MTHFD1L: variants seen among roughly 807,000 people sequenced by gnomAD.
MTHFD1L encodes monofunctional C1-tetrahydrofolate synthase, mitochondrial.
Under a neutral mutation model 119.5 loss-of-function variants are expected in MTHFD1L, and 81 were observed. The ratio of observed to expected loss-of-function variants is 0.68; its 90% confidence interval spans 0.57 to 0.82. The LOEUF (loss-of-function observed/expected upper bound fraction) is 0.82. Among genes scored for constraint, MTHFD1L ranks in the 40% least tolerant of loss-of-function variants. The pLI is 0.00. For synonymous variants in MTHFD1L, 430 were observed against 475.2 expected (o/e 0.90, Z 1.24); for missense variants, 1,125 against 1,253.4 (o/e 0.90, Z 1.55).
intron 10 of MTHFD1L, among the ~76,000 whole-genome samples, chr6:150,922,824 A>G (rs544022252): frequency 6.6e-6 from 1 of 151,112 alleles, no homozygotes; most frequent in African/African-American, 2.4e-5. Flanking sequence ...TTGTATTTTT[A>G]GTAGAGATGG....
At chr6:151,069,082 A>G (rs1319644710) in intron 26 of MTHFD1L, among the ~76,000 whole-genome samples, 2 of 152,170 alleles carry the variant, frequency 1.3e-5, no homozygotes, top group Non-Finnish European at 2.9e-5. Flanking sequence ...AAGATGAGGA[A>G]TTCAGACTGG....
chr6:150,932,543 G>T (rs571679495), intron 11 of MTHFD1L, among the ~76,000 whole-genome samples: 30 of 152,188 alleles, frequency 2.0e-4, no homozygotes, highest in African/African-American at 6.7e-4. Flanking sequence ...AGGCTGAGGT[G>T]GGCGGATCAC....
intron 8 of MTHFD1L, among the ~76,000 whole-genome samples, chr6:150,911,938 A>G (rs1189297004): frequency 6.6e-6 from 1 of 152,048 alleles, no homozygotes; most frequent in Non-Finnish European, 1.5e-5. Context: ...GGTCCCTCCT[A>G]CAACACGTGG....
chr6:151,068,777 TCAGTAGG>T (rs1198357931), intron 26 of MTHFD1L, among the ~76,000 whole-genome samples: 1 of 152,244 alleles, frequency 6.6e-6, no homozygotes, highest in Non-Finnish European at 1.5e-5. Flanking sequence ...AGAGCTTTCT[TCAGTAGG>T]CACGAACTTT....
In MTHFD1L at chr6:150,932,804, A is replaced by G. The variant is rs531828479; in HGVS notation, c.1257-4000A>G. The stretch of plus-strand genomic sequence containing the variant: ...AAAAAGAGAAAGGAAGAAAGGGAGG[A>G]AGAGAGGGAGGGAGGAAGGAAGGAA... On this transcript the variant is annotated intron_variant, in intron 11 of 27. Coordinates refer to ENST00000367321, the MANE Select transcript of MTHFD1L (RefSeq NM_015440.5). Among the ~76,000 whole-genome samples the G allele has an allele frequency of 8.2e-3, 1,054 of 128,306 alleles. 25 individuals are homozygous for G. Among genetic ancestry groups the G allele is most frequent in the African/African-American group, 0.033 (1,003 of 30,130 alleles). 84.2% of individuals were successfully genotyped at this position (128,306 alleles called of 152,430 possible).
chr6:150,954,034 T>A (rs1047511806), intron 16 of MTHFD1L, among the ~76,000 whole-genome samples: 5 of 152,172 alleles, frequency 3.3e-5, no homozygotes, highest in Non-Finnish European at 5.9e-5. Flanking sequence ...TGTGAGTGTG[T>A]CTGAGAGAGA....
chr6:150,968,672 G>A (rs1318276328), intron 19 of MTHFD1L, among the ~76,000 whole-genome samples: 1 of 150,850 alleles, frequency 6.6e-6, no homozygotes, highest in Non-Finnish European at 1.5e-5. Flanking sequence ...ACCACACCCG[G>A]CTAATTTTTG....
intron 20 of MTHFD1L, among the ~76,000 whole-genome samples, chr6:150,985,965 G>A (rs1230156571): frequency 6.6e-6 from 1 of 152,184 alleles, no homozygotes; most frequent in East Asian, 1.9e-4. Context: ...CTTAAATTCA[G>A]CTGATATACT....
chr6:151,017,978 G>T (rs973951699), intron 24 of MTHFD1L, among the ~76,000 whole-genome samples: 2 of 152,002 alleles, frequency 1.3e-5, no homozygotes, highest in Admixed American at 6.6e-5. Flanking sequence ...CCAGAAGTGG[G>T]ATTGCTGGGT....
intron 6 of MTHFD1L, among the ~76,000 whole-genome samples, chr6:150,886,285 A>G (rs769304869): frequency 2.6e-5 from 4 of 152,106 alleles, no homozygotes; most frequent in Non-Finnish European, 4.4e-5. Context: ...AAAATTTAAA[A>G]ATTAGCTGGG....
intron 24 of MTHFD1L, among the ~76,000 whole-genome samples, chr6:151,016,119 GT>G (rs1783014241): frequency 6.6e-6 from 1 of 152,072 alleles, no homozygotes; most frequent in African/African-American, 2.4e-5. Context: ...AGGTAGAAGA[GT>G]TTAAGCCATA....
At chr6:151,061,359 C>T (rs1428452992) in intron 26 of MTHFD1L, among the ~76,000 whole-genome samples, 1 of 152,162 alleles carries the variant, frequency 6.6e-6, no homozygotes, top group Non-Finnish European at 1.5e-5. Flanking sequence ...GCAGAAGAGG[C>T]TCATTAGAGA....
chr6:150,931,630 G>A (rs1369978015), intron 11 of MTHFD1L, among the ~76,000 whole-genome samples: 1 of 152,206 alleles, frequency 6.6e-6, no homozygotes, highest in Non-Finnish European at 1.5e-5. Context: ...ATGTTCATAT[G>A]CTACTTGAGC....
intron 26 of MTHFD1L, among the ~76,000 whole-genome samples, chr6:151,059,739 C>T (rs557090178): frequency 6.6e-6 from 1 of 152,194 alleles, no homozygotes. Flanking sequence ...GCATTTCCTA[C>T]CCACAGTCTG....
At chr6:151,056,946 G>A (rs1204257749) in intron 26 of MTHFD1L, among the ~76,000 whole-genome samples, 1 of 152,138 alleles carries the variant, frequency 6.6e-6, no homozygotes, top group Non-Finnish European at 1.5e-5. Flanking sequence ...ATAAATGTTG[G>A]GGTTCTTTAG....
intron 16 of MTHFD1L, among the ~76,000 whole-genome samples, chr6:150,954,227 T>C (rs959582656): frequency 3.9e-5 from 6 of 152,190 alleles, no homozygotes; most frequent in East Asian, 1.9e-4. Context: ...ATCGTATACA[T>C]TGAGTAAAGT....
intron 8 of MTHFD1L, among the ~76,000 whole-genome samples, chr6:150,916,848 G>A (rs369981194): frequency 9.9e-5 from 13 of 131,886 alleles, no homozygotes; most frequent in South Asian, 2.6e-4. Flanking sequence ...CTGCAACCTC[G>A]GCCTCCCGGT....
chr6:150,950,051 G>T (rs373803442), intron 16 of MTHFD1L, among the ~76,000 whole-genome samples: 8 of 137,452 alleles, frequency 5.8e-5, no homozygotes, highest in Non-Finnish European at 9.9e-5. Context: ...TATCAGATGC[G>T]CATTTTATAG....
intron 16 of MTHFD1L, among the ~76,000 whole-genome samples, chr6:150,951,000 A>C (rs1185099427): frequency 1.3e-5 from 2 of 150,334 alleles, no homozygotes; most frequent in African/African-American, 4.9e-5. Flanking sequence ...TTTGTCTCCC[A>C]AACTAAACTA....
Sources: gnomAD v4.1 joint callset for allele counts (sites outside exome capture counted in the v4.1 genomes callset) on GRCh38, gnomAD v4.1.1 for gene constraint, MANE v1.5 for transcripts, NCBI Gene and HGNC (gene_info 2026-07-23, HGNC 2026-07-21) for gene names.